PDE1B: variants seen among roughly 807,000 people sequenced by gnomAD.
PDE1B encodes the protein dual specificity calcium/calmodulin-dependent 3',5'-cyclic nucleotide phosphodiesterase 1B.
In PDE1B, 13 loss-of-function variants were observed where a neutral mutation model predicts 66.7. That is an observed-to-expected ratio of 0.19 (90% CI 0.13 to 0.31). The LOEUF is 0.31. Ranked by LOEUF, PDE1B falls within the 10% of genes least tolerant of loss-of-function variation. The pLI, the probability that PDE1B is intolerant of heterozygous loss-of-function variation, is 1.00. For missense variants in PDE1B, 485 were observed against 682.3 expected (o/e 0.71, Z 3.22); for synonymous variants, 230 against 253.9 (o/e 0.91, Z 0.90).
Position 54,573,018 on chromosome 12 carries a change from C to A in PDE1B, c.736-130C>A. 1 of 740,938 alleles carries A rather than the reference C, an allele frequency of 1.3e-6. No homozygotes were observed. Among genetic ancestry groups the A allele is most frequent in the Non-Finnish European group, 2.3e-6 (1 of 434,974 alleles). The allele number at this position is 740,938 out of a possible 1,614,324, so 45.9% of individuals were successfully genotyped here. On this transcript the variant is annotated intron_variant, in intron 7 of 15. Transcript: ENST00000243052. This position sits in a 1 kb window ranked among gnomAD's most constrained non-coding sequence, Gnocchi z 5.2. ...CCATTTCAGGAGCTGAGAAACCTGG[C>A]TGCATTAACCAAGAGCTGGCCTGGA...
At chr12:54,561,872 G>T (rs977329292) in intron 2 of PDE1B, among the ~76,000 whole-genome samples, 2 of 151,224 alleles carry the variant, frequency 1.3e-5, no homozygotes, top group African/African-American at 4.9e-5. Context: ...TGTAAAAATT[G>T]CTTCTTCTTG....
chr12:54,573,010 A>G lies in PDE1B; in HGVS notation c.736-138A>G, dbSNP rs1957644590. 1 of 719,930 alleles carries G rather than the reference A, an allele frequency of 1.4e-6. No homozygotes were observed. Among genetic ancestry groups the G allele is most frequent in the Non-Finnish European group, 2.4e-6 (1 of 420,088 alleles). 44.6% of individuals were successfully genotyped at this position (719,930 alleles called of 1,614,324 possible). On this transcript the variant is annotated intron_variant, in intron 7 of 15. Coordinates refer to ENST00000243052, the MANE Select transcript of PDE1B (RefSeq NM_000924.4). The surrounding 1 kb of genome is among the most constrained non-coding windows in gnomAD (Gnocchi z 5.2). ...GTCCTTGGCCATTTCAGGAGCTGAG[A>G]AACCTGGCTGCATTAACCAAGAGCT... is the stretch of plus-strand genomic sequence containing the variant.
intron 2 of PDE1B, among the ~76,000 whole-genome samples, chr12:54,561,177 T>G (rs1957404852): frequency 6.6e-6 from 1 of 152,136 alleles, no homozygotes; most frequent in East Asian, 1.9e-4. Flanking sequence ...CTCCTCTCTG[T>G]GACAGATTCA....
In PDE1B at chr12:54,575,166, G is replaced by A; in HGVS notation, c.1133G>A (p.Trp378Ter). The change falls in exon 11 of 16, where the codon TGG (tryptophan) becomes TAG (stop). Residue 378 changes from tryptophan to a stop codon, truncating the protein, a stop_gained. Coordinates refer to ENST00000243052, the MANE Select transcript of PDE1B (RefSeq NM_000924.4). LOFTEE classifies it high-confidence loss of function. The surrounding 1 kb of genome is among the most constrained non-coding windows in gnomAD (Gnocchi z 4.0). ...AADISHPTKQ[W>*]LVHSRWTKAL... ...GACATCAGCCACCCAACCAAGCAGT[G>A]GTTGGTCCACAGCCGTTGGACCAAG... 6.2e-7 allele frequency: 1 copy of A among 1,613,100 alleles called. No individual in the cohort carries two copies.
At chr12:54,572,422 C>T in intron 6 of PDE1B, 179 bp from the exon 7 acceptor site, 1 of 656,960 alleles carries the variant, frequency 1.5e-6, no homozygotes, top group East Asian at 2.5e-5. Flanking sequence ...TGTGACTTAC[C>T]CAAGGTTGCA....
chr12:54,575,845 G>A lies in PDE1B; in HGVS notation c.1268-147G>A. 1.3e-6 allele frequency: 1 copy of A among 754,714 alleles called. No individual in the cohort carries two copies. The highest frequency in any genetic ancestry group is 2.3e-6 in the Non-Finnish European group (1 of 429,594). 46.8% of individuals were successfully genotyped at this position (754,714 alleles called of 1,614,324 possible). A position where few individuals can be genotyped will look rare whatever the true frequency, so the allele number is the denominator to read the frequency against. On this transcript the variant is annotated intron_variant, in intron 12 of 15. Transcript: ENST00000243052. The surrounding 1 kb of genome is among the most constrained non-coding windows in gnomAD (Gnocchi z 4.0). ...GCACCAAGACATCATCCCAAAGCCT[G>A]CCCTGCATTGGGAAGTTTTCAGCCC...
chr12:54,572,540 C>T (rs896242448), intron 6 of PDE1B, 61 bp from the exon 7 acceptor site: 20 of 1,496,998 alleles, frequency 1.3e-5, no homozygotes, highest in African/African-American at 9.7e-5. Context: ...GATCTCGGTC[C>T]GTAATCACCA....
At chr12:54,556,925 T>C (rs1269136752) in intron 2 of PDE1B, among the ~76,000 whole-genome samples, 1 of 152,014 alleles carries the variant, frequency 6.6e-6, no homozygotes, top group Non-Finnish European at 1.5e-5. Flanking sequence ...GGCTGAGTGA[T>C]TCTCTGGCAG....
intron 2 of PDE1B, among the ~76,000 whole-genome samples, chr12:54,555,270 G>T (rs1826729): frequency 0.83 from 126,583 of 152,148 alleles, 53,066 homozygotes; most frequent in Middle Eastern, 0.91. Context: ...AATTCCCTTC[G>T]GACATTTATC....
chr12:54,576,418 C>A, intron 13 of PDE1B, 153 bp from the exon 14 acceptor site: 1 of 803,478 alleles, frequency 1.2e-6, no homozygotes, highest in Non-Finnish European at 2.0e-6. Context: ...GGGAGAGGGA[C>A]AGGGACTTGG....
Position 54,572,132 on chromosome 12 carries a change from C to CTTCTCAAAGGAGAGGGT in PDE1B, c.595-469_595-468insTTCTCAAAGGAGAGGGT, listed in dbSNP as rs558994330. ...GTAGAGGGTAAGTGGTCAGGGAGGG[C>CTTCTCAAAGGAGAGGGT]AACCCACATCTGGCTGGAAGAGTCC... On this transcript the variant is annotated intron_variant, in intron 6 of 15. Coordinates refer to ENST00000243052, the MANE Select transcript of PDE1B (RefSeq NM_000924.4). 3.7e-3 allele frequency: 578 copies of CTTCTCAAAGGAGAGGGT among 158,034 alleles called. 4 individuals carry two copies. Among genetic ancestry groups the CTTCTCAAAGGAGAGGGT allele is most frequent in the African/African-American group, 0.013 (541 of 41,578 alleles). 9.8% of individuals were successfully genotyped at this position (158,034 alleles called of 1,614,324 possible).
Position 54,576,085 on chromosome 12 carries a change from C to G in PDE1B, c.1361C>G (p.Ser454Cys). The G allele has an allele frequency of 6.2e-7, 1 of 1,608,874 alleles. No individual in the cohort carries two copies. Among genetic ancestry groups the G allele is most frequent in the South Asian group, 1.1e-5 (1 of 90,956 alleles). The change falls in exon 13 of 16, where the codon TCT becomes TGT. Residue 454 changes from serine (S) to cysteine (C), a missense_variant. Coordinates refer to ENST00000243052, the MANE Select transcript of PDE1B (RefSeq NM_000924.4). Reference sequence around the variant, plus strand: ...CCCCTGGCGGATGAGGACTCCAAGTCTAAAAACCAGCCCAGGTGAGGGTGG... The same window carrying G: ...CCCCTGGCGGATGAGGACTCCAAGTGTAAAAACCAGCCCAGGTGAGGGTGG... ...VQPLADEDSK[S>C]KNQPSFQWRQ...
chr12:54,577,732 C>T, intron 15 of PDE1B, 128 bp from the exon 16 acceptor site: 1 of 539,562 alleles, frequency 1.9e-6, no homozygotes, highest in Non-Finnish European at 3.1e-6. Flanking sequence ...TGGCTGGGCA[C>T]CCTTCTGAAG....
Position 54,575,730 on chromosome 12 carries a change from C to A in PDE1B, c.1267+98C>A. The A allele has an allele frequency of 1.1e-6, 1 of 940,586 alleles. No individual in the cohort carries two copies. The highest frequency in any genetic ancestry group is 1.7e-6 in the Non-Finnish European group (1 of 580,932). The allele number at this position is 940,586 out of a possible 1,614,324, so 58.3% of individuals were successfully genotyped here. A position where few individuals can be genotyped will look rare whatever the true frequency, so the allele number is the denominator to read the frequency against. ...AAGTCCTCAATCCCCCCAAACCATT[C>A]TTCCTGTAGAGGAAAGCCTACTGTG... On this transcript the variant is annotated intron_variant, in intron 12 of 15. Coordinates refer to ENST00000243052, the MANE Select transcript of PDE1B (RefSeq NM_000924.4). The surrounding 1 kb of genome is among the most constrained non-coding windows in gnomAD (Gnocchi z 4.0).
rs1446971224 is a variant in PDE1B, at chr12:54,569,278, C to T, written c.322C>T (p.Gln108Ter). 1 of 1,614,042 alleles carries T rather than the reference C, an allele frequency of 6.2e-7. No homozygotes were observed. Among genetic ancestry groups the T allele is most frequent in the Non-Finnish European group, 8.5e-7 (1 of 1,179,972 alleles). Residue 108 changes from glutamine (Q) to a stop codon, truncating the protein, a stop_gained, in exon 4 of 16, where the codon CAG (glutamine) becomes TAG (stop). Coordinates refer to ENST00000243052, the MANE Select transcript of PDE1B (RefSeq NM_000924.4). LOFTEE classifies it high-confidence loss of function. This position sits in a 1 kb window ranked among gnomAD's most constrained non-coding sequence, Gnocchi z 4.4. ...CTGGCTGGCCTCCACCTTCACCCAG[C>T]AGGCCCGGGCCAAAGGCCGCCGAGC... ...RDWLASTFTQ[Q>*]ARAKGRRAEE...
At chr12:54,565,902 TCTC>T (rs1446503211) in intron 2 of PDE1B, among the ~76,000 whole-genome samples, 15 of 152,194 alleles carry the variant, frequency 9.9e-5, no homozygotes, top group African/African-American at 3.6e-4. Flanking sequence ...CTCATTCTCT[TCTC>T]CTCCCTGACT....
chr12:54,549,619 C>T lies in PDE1B; in HGVS notation c.-167C>T. Reference sequence around the variant, plus strand: ...CTCTGGCAGCGCGCGGCGGCGGCGGCGGTAGCGGCAGCAGCAGCGGCGGTG... The same window carrying T: ...CTCTGGCAGCGCGCGGCGGCGGCGGTGGTAGCGGCAGCAGCAGCGGCGGTG... On this transcript the variant is annotated 5_prime_UTR_variant, in exon 1 of 16. Coordinates refer to ENST00000243052, the MANE Select transcript of PDE1B (RefSeq NM_000924.4). 7.6e-5 allele frequency: 34 copies of T among 445,860 alleles called. No homozygotes were observed. Among genetic ancestry groups the T allele is most frequent in the South Asian group, 1.3e-4 (4 of 29,984 alleles). 27.6% of individuals were successfully genotyped at this position (445,860 alleles called of 1,614,324 possible). A position where few individuals can be genotyped will look rare whatever the true frequency, so the allele number is the denominator to read the frequency against.
At chr12:54,557,277 G>C (rs907685872) in intron 2 of PDE1B, among the ~76,000 whole-genome samples, 1 of 152,176 alleles carries the variant, frequency 6.6e-6, no homozygotes, top group Non-Finnish European at 1.5e-5. Context: ...AAAATTTGCT[G>C]TTGTTTTTTA....
At chr12:54,567,204 G>T in intron 3 of PDE1B, 117 bp downstream of exon 3, 3 of 561,828 alleles carry the variant, frequency 5.3e-6, no homozygotes, top group South Asian at 2.1e-5. Context: ...GAAAGAGAGA[G>T]GGTGGACCAG....
Sources: gnomAD v4.1 joint callset for allele counts (sites outside exome capture counted in the v4.1 genomes callset) on GRCh38, gnomAD v4.1.1 for gene constraint, Gnocchi (gnomAD v3.1) non-coding constraint, MANE v1.5 for transcripts, NCBI Gene and HGNC (gene_info 2026-07-23, HGNC 2026-07-21) for gene names.